The following TEX11 variants were observed in gnomAD, a reference collection of about 807,000 sequenced individuals.
TEX11 encodes the protein testis expressed 11.
In TEX11, 7 loss-of-function variants were observed where a neutral mutation model predicts 84.4. The observed-to-expected ratio is 0.08, with a 90% confidence interval of 0.05 to 0.16. The LOEUF is 0.16. Ranked by LOEUF, TEX11 falls within the 10% of genes least tolerant of loss-of-function variation. The pLI is 1.00. For missense variants in TEX11, 551 were observed against 660.5 expected, an observed-to-expected ratio of 0.83 and a Z score of 1.82; for synonymous variants, 264 against 222.8, an observed-to-expected ratio of 1.18 and a Z score of -1.64.
intron 13 of TEX11, among the ~76,000 whole-genome samples, chrX:70,708,536 A>G (rs1033051263): frequency 8.9e-5 from 10 of 111,817 alleles, no homozygotes; most frequent in Non-Finnish European, 1.9e-4. Flanking sequence ...AGCAAAGACA[A>G]GGAATCAACA....
chrX:70,672,639 C>T (rs2090035672), intron 15 of TEX11, among the ~76,000 whole-genome samples: 1 of 111,150 alleles, frequency 9.0e-6, no homozygotes, highest in Non-Finnish European at 1.9e-5. Context: ...ATGCATATAT[C>T]CCTTTTTGGT....
At chrX:70,599,079 TATA>T (rs2089051110) in intron 24 of TEX11, among the ~76,000 whole-genome samples, 1 of 111,629 alleles carries the variant, frequency 9.0e-6, no homozygotes, top group Admixed American at 9.5e-5. Flanking sequence ...TCTGTTAAAA[TATA>T]ATCAAGGATA....
chrX:70,587,838 G>T (rs944370836), intron 25 of TEX11, among the ~76,000 whole-genome samples: 1 of 112,545 alleles, frequency 8.9e-6, no homozygotes, highest in African/African-American at 3.2e-5. Flanking sequence ...GAGGGAGGCT[G>T]TACCCTGCAA....
chrX:70,765,987 G>A (rs2090937758), intron 9 of TEX11, among the ~76,000 whole-genome samples: 1 of 112,236 alleles, frequency 8.9e-6, no homozygotes, highest in Non-Finnish European at 1.9e-5. Flanking sequence ...TATAAGCCAA[G>A]AGTGAACAAT....
intron 9 of TEX11, among the ~76,000 whole-genome samples, chrX:70,749,547 T>A (rs1251238979): frequency 9.5e-6 from 1 of 105,686 alleles, no homozygotes; most frequent in Non-Finnish European, 1.9e-5. Context: ...AGTATGATAT[T>A]GGCTGTGGGT....
chrX:70,565,719 T>C (rs1426767472), intron 25 of TEX11, among the ~76,000 whole-genome samples: 2 of 109,420 alleles, frequency 1.8e-5, no homozygotes, highest in East Asian at 5.8e-4. Flanking sequence ...GTTGTAGATA[T>C]GCGGCTTTAT....
At chrX:70,639,601 C>G (rs923529987) in intron 17 of TEX11, among the ~76,000 whole-genome samples, 1 of 111,774 alleles carries the variant, frequency 8.9e-6, no homozygotes, top group Non-Finnish European at 1.9e-5. Context: ...CCTCAAGTGG[C>G]TCCCTGACCC....
chrX:70,602,177 ACCTC>A (rs1401185612), intron 24 of TEX11, among the ~76,000 whole-genome samples: 2 of 111,735 alleles, frequency 1.8e-5, no homozygotes, highest in Non-Finnish European at 3.8e-5. Flanking sequence ...TGACCCCCCC[ACCTC>A]CCTCCCGGAT....
chrX:70,801,619 CTTTTA>C (rs1233459901), intron 9 of TEX11, among the ~76,000 whole-genome samples: 1 of 105,341 alleles, frequency 9.5e-6, no homozygotes, highest in Non-Finnish European at 2.0e-5. Context: ...TCCTTCTTTT[CTTTTA>C]TTTTCTTTCT....
At chrX:70,820,403 C>T (rs2091312507) in intron 8 of TEX11, among the ~76,000 whole-genome samples, 3 of 112,034 alleles carry the variant, frequency 2.7e-5, no homozygotes, top group Admixed American at 9.5e-5. Flanking sequence ...ATACAAAAAT[C>T]AACTCAGAAT....
intron 9 of TEX11, among the ~76,000 whole-genome samples, chrX:70,788,043 T>C (rs1014491367): frequency 2.7e-5 from 3 of 110,781 alleles, no homozygotes; most frequent in African/African-American, 9.8e-5. Context: ...AGATACCCCA[T>C]GTTCATGGAT....
downstream of TEX11, among the ~76,000 whole-genome samples, chrX:70,525,542 G>A (rs986136408): frequency 1.9e-5 from 2 of 107,167 alleles, no homozygotes; most frequent in Non-Finnish European, 3.8e-5. Flanking sequence ...AGCTGAGATC[G>A]CACCACTGCC....
intron 2 of TEX11, among the ~76,000 whole-genome samples, chrX:70,883,359 G>A (rs763758404): frequency 9.0e-6 from 1 of 111,256 alleles, no homozygotes; most frequent in African/African-American, 3.3e-5. Context: ...CAAGGCAAGG[G>A]GATTGCTTGA....
intron 3 of TEX11, among the ~76,000 whole-genome samples, chrX:70,876,025 T>C (rs1189354349): frequency 8.9e-6 from 1 of 112,103 alleles, no homozygotes; most frequent in Non-Finnish European, 1.9e-5. Context: ...AAAAATAAGA[T>C]GCGCTAATGG....
At chrX:70,760,344 T>C (rs1455208177) in intron 9 of TEX11, among the ~76,000 whole-genome samples, 2 of 111,717 alleles carry the variant, frequency 1.8e-5, no homozygotes, top group Non-Finnish European at 3.8e-5. Context: ...GCAGGCATCA[T>C]GCTACCTGAC....
intron 13 of TEX11, among the ~76,000 whole-genome samples, chrX:70,709,571 G>A (rs1031986819): frequency 9.0e-6 from 1 of 110,934 alleles, no homozygotes; most frequent in African/African-American, 3.3e-5. Context: ...ACATTTTTTG[G>A]AGGTAAATCA....
At chrX:70,633,017 C>T (rs2089528460) in intron 17 of TEX11, among the ~76,000 whole-genome samples, 1 of 111,992 alleles carries the variant, frequency 8.9e-6, no homozygotes, top group East Asian at 2.8e-4. Flanking sequence ...ATCATTTCAA[C>T]ACAAACTCTT....
intron 12 of TEX11, among the ~76,000 whole-genome samples, chrX:70,723,706 G>A (rs1021688280): frequency 9.0e-6 from 1 of 111,340 alleles, no homozygotes; most frequent in South Asian, 3.8e-4. Context: ...AGAATTTTTA[G>A]TATTTTCCAA....
At chrX:70,631,154 AC>A (rs1174873751) in intron 17 of TEX11, among the ~76,000 whole-genome samples, 1 of 112,079 alleles carries the variant, frequency 8.9e-6, no homozygotes, top group Non-Finnish European at 1.9e-5. Context: ...GATGTGGCTA[AC>A]ATTTATAACA....
Sources: allele counts gnomAD v4.1 joint callset (sites outside exome capture counted in the v4.1 genomes callset), GRCh38; gene constraint gnomAD v4.1.1; transcripts MANE v1.5; gene names NCBI Gene and HGNC (gene_info 2026-07-23, HGNC 2026-07-21).